The following E2F3 variants were observed in gnomAD, a reference collection of about 807,000 sequenced individuals.
The protein encoded by E2F3 is E2F transcription factor 3.
A neutral mutation model predicts 44.4 loss-of-function variants in E2F3; 11 were observed. That is an observed-to-expected ratio of 0.25 (90% confidence interval 0.16 to 0.41). E2F3 has a LOEUF of 0.41. Ranked by LOEUF, E2F3 falls within the 10% of genes least tolerant of loss-of-function variation. The pLI, the probability that E2F3 is intolerant of heterozygous loss-of-function variation, is 1.00. For synonymous variants in E2F3, 249 were observed against 253.0 expected (o/e 0.98, Z 0.15); for missense variants, 487 against 583.6 (o/e 0.83, Z 1.70).
intron 1 of E2F3, among the ~76,000 whole-genome samples, chr6:20,419,404 A>G (rs750533964): frequency 2.6e-5 from 4 of 152,210 alleles, no homozygotes; most frequent in Non-Finnish European, 5.9e-5. Context: ...ATTACCCTCC[A>G]AAAAGGCTGA....
intron 1 of E2F3, among the ~76,000 whole-genome samples, chr6:20,405,375 C>T (rs1477021014): frequency 1.5e-4 from 20 of 135,770 alleles, no homozygotes; most frequent in Non-Finnish European, 2.7e-4. Flanking sequence ...GAGACGGAGT[C>T]TCATTCTGTC....
At chr6:20,469,163 T>C (rs1761809924) in intron 1 of E2F3, among the ~76,000 whole-genome samples, 1 of 152,220 alleles carries the variant, frequency 6.6e-6, no homozygotes, top group Non-Finnish European at 1.5e-5. Context: ...AAAGGATATA[T>C]AGTCTCAGTA....
chr6:20,427,731 C>A (rs1760262803), intron 1 of E2F3, among the ~76,000 whole-genome samples: 1 of 152,192 alleles, frequency 6.6e-6, no homozygotes, highest in South Asian at 2.1e-4. Context: ...GTTGGCCTTC[C>A]TGACACCTGC....
intron 6 of E2F3, 85 bp downstream of exon 6, chr6:20,488,333 C>A: frequency 2.8e-6 from 4 of 1,426,838 alleles, no homozygotes; most frequent in Non-Finnish European, 3.7e-6. Flanking sequence ...CAAGCCTAGG[C>A]AAGAAACACA....
Position 20,402,055 on chromosome 6 carries a change from TG to T in E2F3, c.-176del. ...CTCTCTCCAGAGCCCCGATTATTTT[TG>T]GCCCCCGGGGCCTGTGCGGTGCGGA... On this transcript the variant is annotated 5_prime_UTR_variant, in exon 1 of 7. Transcript: ENST00000346618. The surrounding 1 kb of genome is among the most constrained non-coding windows in gnomAD (Gnocchi z 5.6). 9.1e-7 allele frequency: 1 copy of T among 1,100,682 alleles called. No individual in the cohort carries two copies. The highest frequency in any genetic ancestry group is 1.2e-6 in the Non-Finnish European group (1 of 824,908). The allele number at this position is 1,100,682 out of a possible 1,614,324, so 68.2% of individuals were successfully genotyped here. A position where few individuals can be genotyped will look rare whatever the true frequency, so the allele number is the denominator to read the frequency against.
At chr6:20,410,456 G>A (rs1759635143) in intron 1 of E2F3, among the ~76,000 whole-genome samples, 1 of 152,194 alleles carries the variant, frequency 6.6e-6, no homozygotes, top group Admixed American at 6.5e-5. Context: ...AGGAATGATA[G>A]TACCTACCTT....
In E2F3 at chr6:20,446,299, A is replaced by C. The variant is rs1360797892; in HGVS notation, c.394-33547A>C. On this transcript the variant is annotated intron_variant, in intron 1 of 6. Transcript: ENST00000346618. ...CATCTGACTTAAAAGTCCAGGAAAGACGAAATGATATTATTTAGCACAGCA... is the reference window on the plus strand; with the variant it reads ...CATCTGACTTAAAAGTCCAGGAAAGCCGAAATGATATTATTTAGCACAGCA... 3.9e-5 allele frequency among the ~76,000 whole-genome samples: 6 copies of C among 152,188 alleles called. No individual in the cohort carries two copies. The East Asian group carries it at 9.6e-4, about 24-fold the overall frequency.
rs897970445 is a variant in E2F3 at position 20,492,120 on chromosome 6, T to C, written c.*1690T>C. 9.3e-6 allele frequency: 2 copies of C among 215,642 alleles called. No homozygotes were observed. The highest frequency in any genetic ancestry group is 1.9e-5 in the Non-Finnish European group (2 of 107,054). The allele number at this position is 215,642 out of a possible 1,614,324, so 13.4% of individuals were successfully genotyped here. A position where few individuals can be genotyped will look rare whatever the true frequency, so the allele number is the denominator to read the frequency against. On this transcript the variant is annotated 3_prime_UTR_variant, in exon 7 of 7. Transcript: ENST00000346618. ...GCACATAGTAGGCACTCAACTCATA[T>C]GTTTAATTGAATTGAAAATATCCCT...
intron 4 of E2F3, among the ~76,000 whole-genome samples, chr6:20,486,397 C>T (rs994043432): frequency 1.3e-5 from 2 of 152,142 alleles, no homozygotes; most frequent in African/African-American, 2.4e-5. Context: ...CTCAGCCTCC[C>T]GAGTAGCTGG....
intron 1 of E2F3, among the ~76,000 whole-genome samples, chr6:20,447,676 G>A (rs962117437): frequency 6.6e-6 from 1 of 152,090 alleles, no homozygotes; most frequent in East Asian, 1.9e-4. Flanking sequence ...AAAAATCTAA[G>A]GGAATAGGCT....
At chr6:20,447,366 G>C (rs1387998116) in intron 1 of E2F3, among the ~76,000 whole-genome samples, 1 of 151,916 alleles carries the variant, frequency 6.6e-6, no homozygotes, top group African/African-American at 2.4e-5. Flanking sequence ...GAAAGAGAAA[G>C]AGAACAGAGC....
intron 1 of E2F3, among the ~76,000 whole-genome samples, chr6:20,448,893 A>T (rs1761036509): frequency 6.6e-6 from 1 of 152,174 alleles, no homozygotes; most frequent in African/African-American, 2.4e-5. Context: ...GCTTAATTGG[A>T]AGAGAGTATT....
chr6:20,486,406 G>A (rs1762393852), intron 4 of E2F3, among the ~76,000 whole-genome samples: 1 of 152,140 alleles, frequency 6.6e-6, no homozygotes, highest in Non-Finnish European at 1.5e-5. Context: ...CCGAGTAGCT[G>A]GGACTACAGG....
chr6:20,405,617 G>C (rs1249789633), intron 1 of E2F3, among the ~76,000 whole-genome samples: 1 of 152,198 alleles, frequency 6.6e-6, no homozygotes, highest in Non-Finnish European at 1.5e-5. Flanking sequence ...GCGGTCAAGA[G>C]ATCCAGACCA....
intron 1 of E2F3, among the ~76,000 whole-genome samples, chr6:20,449,320 G>A (rs922513346): frequency 1.3e-5 from 2 of 152,022 alleles, no homozygotes; most frequent in African/African-American, 2.4e-5. Context: ...TTAGGTTCTC[G>A]AAAATTCTTC....
At chr6:20,417,273 C>A (rs763306688) in intron 1 of E2F3, among the ~76,000 whole-genome samples, 2 of 152,144 alleles carry the variant, frequency 1.3e-5, no homozygotes, top group Non-Finnish European at 2.9e-5. Context: ...CAGTGTGGAG[C>A]TGGGCACAGG....
chr6:20,414,567 C>T (rs17569598), intron 1 of E2F3, among the ~76,000 whole-genome samples: 43,003 of 151,922 alleles, frequency 0.28, 7,549 homozygotes, highest in East Asian at 0.44. Flanking sequence ...AGGAAAGAGC[C>T]GTGTAAATTC....
Position 20,482,864 on chromosome 6 carries a change from G to A in E2F3, c.828G>A (p.Leu276=). The part of the protein sequence containing the change: ...LSQEEKKLDE[L]IQSCTLDLKL... ...AGGAAGAGAAGAAATTAGATGAACT[G>A]ATCCAAAGCTGCACCCTGGACCTCA... Residue 276 remains leucine (L), a synonymous_variant, in exon 4 of 7, where the codon CTG becomes CTA. Coordinates refer to ENST00000346618, the MANE Select transcript of E2F3 (RefSeq NM_001949.5). 1 of 1,613,864 alleles carries A rather than the reference G, an allele frequency of 6.2e-7. No individual in the cohort carries two copies. The highest frequency in any genetic ancestry group is 1.1e-5 in the South Asian group (1 of 91,078).
chr6:20,424,995 G>A (rs1760165630), intron 1 of E2F3, among the ~76,000 whole-genome samples: 1 of 152,198 alleles, frequency 6.6e-6, no homozygotes, highest in African/African-American at 2.4e-5. Context: ...TCTAGGGCGG[G>A]TTATCAGGTG....
Sources: gnomAD v4.1 joint callset for allele counts (sites outside exome capture counted in the v4.1 genomes callset) on GRCh38, gnomAD v4.1.1 for gene constraint, Gnocchi (gnomAD v3.1) non-coding constraint, MANE v1.5 for transcripts, NCBI Gene and HGNC (gene_info 2026-07-23, HGNC 2026-07-21) for gene names.